SGCZ: variants seen among roughly 807,000 people sequenced by gnomAD.
SGCZ encodes sarcoglycan zeta.
In SGCZ, 40 loss-of-function variants were observed where a neutral mutation model predicts 41.3. The observed-to-expected ratio is 0.97, with a 90% confidence interval of 0.75 to 1.26. The LOEUF is 1.26. Ranked by LOEUF, SGCZ falls within the 50% of genes most tolerant of loss-of-function variation. The pLI, the probability that SGCZ is intolerant of heterozygous loss-of-function variation, is 0.00. For missense variants in SGCZ, 552 were observed against 369.8 expected, an observed-to-expected ratio of 1.49 and a Z score of -4.04; for synonymous variants, 206 against 137.5, an observed-to-expected ratio of 1.50 and a Z score of -3.49.
At chr8:15,235,068 C>G (rs531481683) in intron 1 of SGCZ, among the ~76,000 whole-genome samples, 29 of 152,220 alleles carry the variant, frequency 1.9e-4, no homozygotes, top group Non-Finnish European at 3.8e-4. Context: ...ATGCCAAAAA[C>G]AAGTATCCTA....
At chr8:14,258,819 A>G (rs1181941743) in intron 3 of SGCZ, among the ~76,000 whole-genome samples, 1 of 152,170 alleles carries the variant, frequency 6.6e-6, no homozygotes, top group Non-Finnish European at 1.5e-5. Flanking sequence ...AATAGAAATA[A>G]ATGAGAAATA....
intron 1 of SGCZ, among the ~76,000 whole-genome samples, chr8:15,051,390 A>T (rs1804507892): frequency 6.6e-6 from 1 of 152,032 alleles, no homozygotes; most frequent in Non-Finnish European, 1.5e-5. Flanking sequence ...GAATACCACA[A>T]TTTTTTATTT....
At chr8:14,489,732 C>G (rs1487650498) in intron 2 of SGCZ, among the ~76,000 whole-genome samples, 1 of 152,050 alleles carries the variant, frequency 6.6e-6, no homozygotes, top group Non-Finnish European at 1.5e-5. Flanking sequence ...CCCTATCTCC[C>G]AGTCTCTGTG....
intron 2 of SGCZ, among the ~76,000 whole-genome samples, chr8:14,548,375 T>C (rs1351449481): frequency 1.3e-5 from 2 of 152,128 alleles, no homozygotes; most frequent in African/African-American, 2.4e-5. Context: ...GAAGACAGGG[T>C]CCTGTTTTAT....
chr8:14,468,135 C>T lies in SGCZ; in HGVS notation c.234+86597G>A, dbSNP rs547206745. Among the ~76,000 whole-genome samples, 59 of 152,040 alleles carry T rather than the reference C, an allele frequency of 3.9e-4. 1 individual carries two copies. The highest frequency in any genetic ancestry group is 1.3e-3 in the African/African-American group (56 of 41,502). The stretch of plus-strand genomic sequence containing the variant: ...CGCTTATGAGTTTGGGTTTAATGAT[C>T]ATTCCAGTTCCATCACTTTCTAGCT... On this transcript the variant is annotated intron_variant, in intron 2 of 7. Coordinates refer to ENST00000382080, the MANE Select transcript of SGCZ (RefSeq NM_139167.4).
At chr8:14,689,367 T>C (rs1484645030) in intron 1 of SGCZ, among the ~76,000 whole-genome samples, 2 of 152,170 alleles carry the variant, frequency 1.3e-5, no homozygotes, top group East Asian at 1.9e-4. Flanking sequence ...AACAAATACA[T>C]TGTTTAATGC....
intron 1 of SGCZ, among the ~76,000 whole-genome samples, chr8:15,003,640 C>T (rs1017138139): frequency 6.6e-6 from 1 of 152,050 alleles, no homozygotes; most frequent in African/African-American, 2.4e-5. Context: ...GAAAACATAA[C>T]ATGTTTTTAT....
intron 2 of SGCZ, among the ~76,000 whole-genome samples, chr8:14,483,567 T>C (rs1315416920): frequency 6.6e-6 from 1 of 152,160 alleles, no homozygotes; most frequent in South Asian, 2.1e-4. Context: ...TGACACCCTG[T>C]CTCAGAAACA....
At chr8:15,009,566 G>A (rs1375690158) in intron 1 of SGCZ, among the ~76,000 whole-genome samples, 1 of 152,162 alleles carries the variant, frequency 6.6e-6, no homozygotes, top group Non-Finnish European at 1.5e-5. Flanking sequence ...GTGATGCAAT[G>A]TCATATAACA....
intron 1 of SGCZ, among the ~76,000 whole-genome samples, chr8:14,991,923 T>A (rs560239915): frequency 6.6e-6 from 1 of 150,670 alleles, no homozygotes; most frequent in Non-Finnish European, 1.5e-5. Context: ...CCAAAACCAG[T>A]GTTACCCTTG....
chr8:14,298,194 T>C (rs1801077963), intron 3 of SGCZ, among the ~76,000 whole-genome samples: 1 of 152,022 alleles, frequency 6.6e-6, no homozygotes, highest in Non-Finnish European at 1.5e-5. Context: ...ACTAGTTATA[T>C]AAGGAATTTT....
intron 1 of SGCZ, among the ~76,000 whole-genome samples, chr8:14,682,439 T>TA (rs1173674794): frequency 1.4e-5 from 1 of 71,576 alleles, no homozygotes; most frequent in Non-Finnish European, 2.4e-5. Context: ...CAATGCAATT[T>TA]TTTTTTTTTT....
chr8:14,263,179 G>T (rs114056357), intron 3 of SGCZ, among the ~76,000 whole-genome samples: 5 of 152,004 alleles, frequency 3.3e-5, no homozygotes, highest in Non-Finnish European at 7.4e-5. Flanking sequence ...TCAACAAATC[G>T]TAAGTGTAAA....
chr8:14,137,430 G>A lies in SGCZ; in HGVS notation c.547+27150C>T, dbSNP rs191339601. ...CCATCACAAAGAAGCTAAAAACCTT[G>A]AAAAAATGTTAGATGAATGGCTAAC... On this transcript the variant is annotated intron_variant, in intron 5 of 7. Coordinates refer to ENST00000382080, the MANE Select transcript of SGCZ (RefSeq NM_139167.4). Among the ~76,000 whole-genome samples the A allele has an allele frequency of 6.2e-3, 937 of 152,238 alleles. 9 individuals carry two copies. Among genetic ancestry groups the A allele is most frequent in the African/African-American group, 0.021 (886 of 41,558 alleles).
chr8:14,367,214 A>T (rs1803740908), intron 2 of SGCZ, among the ~76,000 whole-genome samples: 1 of 152,050 alleles, frequency 6.6e-6, no homozygotes. Context: ...CCTTTGCTCC[A>T]GTTTCCAAGA....
intron 3 of SGCZ, chr8:14,309,764 G>A (rs1432002053): frequency 6.5e-7 from 1 of 1,547,456 alleles, no homozygotes; most frequent in Non-Finnish European, 8.8e-7. Flanking sequence ...AAGCAGAGTG[G>A]ACTGCATTTA....
At chr8:14,250,212 G>C (rs1020984577) in intron 3 of SGCZ, among the ~76,000 whole-genome samples, 4 of 152,170 alleles carry the variant, frequency 2.6e-5, no homozygotes, top group African/African-American at 4.8e-5. Flanking sequence ...GAACCTTTTA[G>C]ATCTGGAGTG....
At chr8:15,055,551 G>A (rs1334295359) in intron 1 of SGCZ, among the ~76,000 whole-genome samples, 12 of 152,190 alleles carry the variant, frequency 7.9e-5, no homozygotes, top group South Asian at 2.1e-4. Context: ...TTACATGGAA[G>A]CACGAACCAT....
At chr8:14,494,570 T>A (rs1388889478) in intron 2 of SGCZ, among the ~76,000 whole-genome samples, 2 of 152,100 alleles carry the variant, frequency 1.3e-5, no homozygotes, top group Non-Finnish European at 1.5e-5. Flanking sequence ...CAGCAGTTTT[T>A]CAATGTTTAA....
Sources: gnomAD v4.1 joint callset for allele counts (sites outside exome capture counted in the v4.1 genomes callset) on GRCh38, gnomAD v4.1.1 for gene constraint, MANE v1.5 for transcripts, NCBI Gene and HGNC (gene_info 2026-07-23, HGNC 2026-07-21) for gene names.